The following DYNC2I1 variants were observed in gnomAD, a reference collection of about 807,000 sequenced individuals.
The protein encoded by DYNC2I1 is dynein 2 intermediate chain 1.
A neutral mutation model predicts 133.4 loss-of-function variants in DYNC2I1; 89 were observed. That is an observed-to-expected ratio of 0.67 (90% CI 0.56 to 0.80). DYNC2I1 has a LOEUF of 0.80. DYNC2I1 is among the 30% of genes least tolerant of loss of function. DYNC2I1 has a pLI of 0.00. For missense variants in DYNC2I1, 1,291 were observed against 1,314.5 expected (o/e 0.98, Z 0.28); for synonymous variants, 504 against 484.3 (o/e 1.04, Z -0.54).
rs761711442 is a variant in DYNC2I1, at chr7:158,945,536, CCCTTTGTG to C, written c.3003-44_3003-37del. Reference sequence around the variant, plus strand: ...TGAAGACTCAGACAGAACCGAATGTCCCTTTGTGTGCACTGACCCTCTGCTTCTGCCCC... The same window carrying C: ...TGAAGACTCAGACAGAACCGAATGTCTGCACTGACCCTCTGCTTCTGCCCC... On this transcript the variant is annotated intron_variant, in intron 24 of 24. Coordinates refer to ENST00000407559, the MANE Select transcript of DYNC2I1 (RefSeq NM_018051.5). This position sits in a 1 kb window ranked among gnomAD's most constrained non-coding sequence, Gnocchi z 4.1. The C allele has an allele frequency of 1.8e-5, 28 of 1,551,810 alleles. No homozygotes were observed. Among genetic ancestry groups the C allele is most frequent in the Non-Finnish European group, 2.4e-5 (27 of 1,147,280 alleles).
chr7:158,867,671 A>G (rs1449861877), intron 1 of DYNC2I1, among the ~76,000 whole-genome samples: 1 of 152,096 alleles, frequency 6.6e-6, no homozygotes, highest in Non-Finnish European at 1.5e-5. Context: ...GTTAGGGTGC[A>G]GTCCTCACGC....
At chr7:158,887,279 A>C (rs1169515878) in intron 7 of DYNC2I1, among the ~76,000 whole-genome samples, 1 of 152,230 alleles carries the variant, frequency 6.6e-6, no homozygotes, top group Non-Finnish European at 1.5e-5. Context: ...AAGGTGGACA[A>C]AGAGAATCTA....
chr7:158,863,078 A>G (rs1435072328), intron 1 of DYNC2I1, among the ~76,000 whole-genome samples: 1 of 114,108 alleles, frequency 8.8e-6, no homozygotes, highest in Non-Finnish European at 1.7e-5. Context: ...AAGCTTCCAC[A>G]GTGTGGAAGG....
chr7:158,866,028 G>A (rs567791570), intron 1 of DYNC2I1, among the ~76,000 whole-genome samples: 2 of 152,276 alleles, frequency 1.3e-5, no homozygotes, highest in East Asian at 1.9e-4. Flanking sequence ...TAGAGAGGCC[G>A]AAGAAAAATC....
chr7:158,916,255 C>T (rs1243514406), intron 14 of DYNC2I1, among the ~76,000 whole-genome samples: 2 of 84,974 alleles, frequency 2.4e-5, no homozygotes, highest in Admixed American at 1.1e-4. Context: ...GAAACGTCTA[C>T]ACGCTGGTTG....
At chr7:158,865,796 G>A (rs1163862314) in intron 1 of DYNC2I1, among the ~76,000 whole-genome samples, 1 of 152,158 alleles carries the variant, frequency 6.6e-6, no homozygotes, top group Non-Finnish European at 1.5e-5. Flanking sequence ...TCTTTAAAAG[G>A]CCTTGGCAGA....
the DYNC2I1 span, among the ~76,000 whole-genome samples, chr7:158,845,050 C>G: frequency 6.6e-6 from 1 of 152,148 alleles, no homozygotes; most frequent in South Asian, 2.1e-4. Flanking sequence ...CCAAAGTTAA[C>G]ATGAATAATT....
chr7:158,896,189 G>A (rs1845745574), intron 8 of DYNC2I1, among the ~76,000 whole-genome samples: 1 of 152,168 alleles, frequency 6.6e-6, no homozygotes, highest in Non-Finnish European at 1.5e-5. Context: ...TGGGAAAACT[G>A]AGTTTCTCAC....
At position 158,934,202 on chromosome 7, in the gene DYNC2I1, A is replaced by C; in HGVS notation, c.2620A>C (p.Asn874His). The change falls in exon 22 of 25, where the codon AAT becomes CAT. Residue 874 changes from asparagine (N) to histidine (H), a missense_variant. By Grantham distance (68) the Asn-to-His change is moderately conservative. Transcript: ENST00000407559. ...TGTTAAATTTCTGCCTTCAGATCCT[A>C]ATCACTTTATTATTGGCACAGACAT... Reference protein sequence around the residue: ...LNVKFLPSDPNHFIIGTDMGL... With the variant: ...LNVKFLPSDPHHFIIGTDMGL... 1 of 1,612,418 alleles carries C rather than the reference A, an allele frequency of 6.2e-7. No individual in the cohort carries two copies.
At chr7:158,890,280 C>G (rs1360002863) in intron 7 of DYNC2I1, among the ~76,000 whole-genome samples, 1 of 152,078 alleles carries the variant, frequency 6.6e-6, no homozygotes, top group Non-Finnish European at 1.5e-5. Flanking sequence ...TAAAAATTAT[C>G]AGTGAGGTAA....
intron 23 of DYNC2I1, among the ~76,000 whole-genome samples, chr7:158,937,567 A>G (rs1203229938): frequency 7.0e-6 from 1 of 143,090 alleles, no homozygotes; most frequent in East Asian, 2.0e-4. Context: ...CAGAGCTTGC[A>G]GTGAGCTGAG....
At chr7:158,872,008 C>A (rs1417073685) in intron 3 of DYNC2I1, among the ~76,000 whole-genome samples, 1 of 151,918 alleles carries the variant, frequency 6.6e-6, no homozygotes, top group Admixed American at 6.6e-5. Context: ...CATTGTTTTT[C>A]TTTTGGTATT....
intron 5 of DYNC2I1, among the ~76,000 whole-genome samples, chr7:158,883,687 G>A (rs1233709136): frequency 1.2e-4 from 15 of 123,882 alleles, no homozygotes; most frequent in East Asian, 4.5e-4. Flanking sequence ...TTTTTGAGAC[G>A]GAGTCTTGCT....
At chr7:158,878,841 C>T (rs1378698762) in intron 4 of DYNC2I1, among the ~76,000 whole-genome samples, 59 of 67,822 alleles carry the variant, frequency 8.7e-4, no homozygotes, top group East Asian at 1.3e-3. Flanking sequence ...GAGTGCCGGG[C>T]GCCATGTGGG....
intron 23 of DYNC2I1, among the ~76,000 whole-genome samples, chr7:158,938,419 C>T (rs1850982588): frequency 6.6e-6 from 1 of 152,124 alleles, no homozygotes; most frequent in Admixed American, 6.5e-5. Context: ...CCCAGATATA[C>T]AAAAGCTGAG....
intron 8 of DYNC2I1, among the ~76,000 whole-genome samples, chr7:158,897,024 C>T (rs1441616186): frequency 2.7e-5 from 4 of 146,248 alleles, no homozygotes; most frequent in African/African-American, 7.7e-5. Flanking sequence ...CTCTCTGTCT[C>T]CCAGGCTAAA....
intron 1 of DYNC2I1, among the ~76,000 whole-genome samples, chr7:158,857,255 A>G (rs1208692652): frequency 2.6e-5 from 4 of 152,178 alleles, no homozygotes; most frequent in Non-Finnish European, 4.4e-5. Context: ...TAATTCATTC[A>G]ATGGGCACAA....
chr7:158,921,508 A>G (rs1849088751), intron 15 of DYNC2I1, among the ~76,000 whole-genome samples: 1 of 152,174 alleles, frequency 6.6e-6, no homozygotes, highest in Non-Finnish European at 1.5e-5. Flanking sequence ...CATCCCACTA[A>G]AAACAACTAT....
chr7:158,932,725 G>T, intron 21 of DYNC2I1, among the ~76,000 whole-genome samples: 1 of 152,176 alleles, frequency 6.6e-6, no homozygotes, highest in East Asian at 1.9e-4. Context: ...AGAGCAGTTA[G>T]GAGGCTTCTG....
Sources: allele counts gnomAD v4.1 joint callset (sites outside exome capture counted in the v4.1 genomes callset), GRCh38; gene constraint gnomAD v4.1.1; non-coding constraint Gnocchi (gnomAD v3.1); transcripts MANE v1.5; gene names NCBI Gene and HGNC (gene_info 2026-07-23, HGNC 2026-07-21).